The following GALK2 variants were observed in gnomAD, a reference collection of about 807,000 sequenced individuals.
GALK2 encodes galactokinase 2, also known as N-acetylgalactosamine kinase.
GALK2 carries 36 observed loss-of-function variants against 52.4 expected under a neutral mutation model. The ratio of observed to expected loss-of-function variants is 0.69; its 90% CI spans 0.53 to 0.91. The LOEUF (loss-of-function observed/expected upper bound fraction) is 0.91. Among genes scored for constraint, GALK2 ranks in the 40% least tolerant of loss-of-function variants. The probability of loss-of-function intolerance (pLI) is 0.00; values close to 1 mark genes in which losing one functional copy is unlikely to be tolerated. For synonymous variants in GALK2, 176 were observed against 199.1 expected (o/e 0.88, Z 0.98); for missense variants, 579 against 559.1 (o/e 1.04, Z -0.36).
intron 8 of GALK2, among the ~76,000 whole-genome samples, chr15:49,304,639 A>G (rs1047922691): frequency 6.6e-6 from 1 of 152,214 alleles, no homozygotes; most frequent in Admixed American, 6.5e-5. Flanking sequence ...ATGTGTGAGG[A>G]TAGCTGGAAT....
chr15:49,212,848 A>G (rs1012756911), intron 2 of GALK2, among the ~76,000 whole-genome samples: 8 of 152,148 alleles, frequency 5.3e-5, no homozygotes, highest in African/African-American at 1.9e-4. Context: ...TTATTTCATT[A>G]TGATCAGAGA....
chr15:49,162,876 A>G (rs1453312238), intron 1 of GALK2, among the ~76,000 whole-genome samples: 1 of 152,240 alleles, frequency 6.6e-6, no homozygotes, highest in Non-Finnish European at 1.5e-5. Context: ...TTGAGCCTCA[A>G]ATAAGCCTTT....
At chr15:49,246,982 A>G (rs140877564) in intron 5 of GALK2, among the ~76,000 whole-genome samples, 1 of 152,342 alleles carries the variant, frequency 6.6e-6, no homozygotes, top group Non-Finnish European at 1.5e-5. Context: ...TGAGAAAGAT[A>G]ATGAAGAGCT....
chr15:49,188,715 C>G (rs2086528621), intron 1 of GALK2, among the ~76,000 whole-genome samples: 1 of 152,280 alleles, frequency 6.6e-6, no homozygotes, highest in Non-Finnish European at 1.5e-5. Flanking sequence ...TATCTTGCTC[C>G]TATCCCCTTA....
rs1555427387 is a variant in GALK2 at position 49,295,344 on chromosome 15, T to TAG, written c.967+2808_967+2809insGA. 1.2e-4 allele frequency among the ~76,000 whole-genome samples: 18 copies of TAG among 151,650 alleles called. No individual in the cohort carries two copies. In the Middle Eastern group the frequency reaches 0.01, roughly 86 times the overall value. On this transcript the variant is annotated intron_variant, in intron 8 of 9. Coordinates refer to ENST00000560031, the MANE Select transcript of GALK2 (RefSeq NM_002044.4). ...CTCTCTCTCTCTATCTATATATATA[T>TAG]ATAGATAGATAGATAGATTCATCTA... is the stretch of plus-strand genomic sequence containing the variant.
chr15:49,193,739 T>G (rs1026093418), intron 1 of GALK2, among the ~76,000 whole-genome samples: 1 of 151,802 alleles, frequency 6.6e-6, no homozygotes, highest in African/African-American at 2.4e-5. Context: ...TTTTTATTTT[T>G]TTTTTTGAGA....
chr15:49,289,843 C>T (rs2033758140), intron 7 of GALK2, among the ~76,000 whole-genome samples: 1 of 152,132 alleles, frequency 6.6e-6, no homozygotes, highest in Non-Finnish European at 1.5e-5. Flanking sequence ...CAACCTAAAA[C>T]AGAGTTTTAG....
chr15:49,246,432 T>G (rs1278244563), intron 5 of GALK2, among the ~76,000 whole-genome samples: 1 of 152,112 alleles, frequency 6.6e-6, no homozygotes, highest in Non-Finnish European at 1.5e-5. Context: ...CAGGTGATAT[T>G]CAGAAAACCC....
In GALK2 at chr15:49,258,777, CATAT is replaced by C. The variant is rs144138275; in HGVS notation, c.504+19425_504+19428del. The stretch of plus-strand genomic sequence containing the variant: ...CCCCAGAAGCACATTTATTTGGAAG[CATAT>C]ATATATATATATATGTGTGTGTGTG... On this transcript the variant is annotated intron_variant, in intron 5 of 9. Coordinates refer to ENST00000560031, the MANE Select transcript of GALK2 (RefSeq NM_002044.4). Among the ~76,000 whole-genome samples the C allele has an allele frequency of 9.6e-3, 1,284 of 134,394 alleles. 14 individuals are homozygous for C. Among genetic ancestry groups the C allele is most frequent in the African/African-American group, 0.031 (1,077 of 34,270 alleles). 88.2% of individuals were successfully genotyped at this position (134,394 alleles called of 152,430 possible).
chr15:49,318,837 C>T (rs923422393), intron 8 of GALK2: 9 of 417,322 alleles, frequency 2.2e-5, no homozygotes, highest in Non-Finnish European at 4.2e-5. Flanking sequence ...GATGTGTGTC[C>T]TTAAGCATGT....
chr15:49,238,231 G>C (rs1783585553), intron 4 of GALK2, among the ~76,000 whole-genome samples: 1 of 152,144 alleles, frequency 6.6e-6, no homozygotes, highest in South Asian at 2.1e-4. Context: ...TCTTGAGAAG[G>C]AGGTAGACTT....
At chr15:49,259,822 A>G (rs1165807232) in intron 5 of GALK2, among the ~76,000 whole-genome samples, 1 of 149,344 alleles carries the variant, frequency 6.7e-6, no homozygotes, top group Non-Finnish European at 1.5e-5. Context: ...GAGTGAGAAT[A>G]TGTGGTGTTT....
rs575905527 is a variant in GALK2, at chr15:49,246,974, A to G, written c.504+7607A>G. Reference sequence around the variant, plus strand: ...CCATATTGGCAGAAGTGATGGTATGAGAAAGATAATGAAGAGCTATACAAA... The same window carrying G: ...CCATATTGGCAGAAGTGATGGTATGGGAAAGATAATGAAGAGCTATACAAA... On this transcript the variant is annotated intron_variant, in intron 5 of 9. Transcript: ENST00000560031. 9.1e-4 allele frequency among the ~76,000 whole-genome samples: 138 copies of G among 152,350 alleles called. 5 individuals carry two copies. The South Asian group carries it at 0.027, about 30-fold the overall frequency.
intron 1 of GALK2, among the ~76,000 whole-genome samples, chr15:49,173,693 C>A (rs781357828): frequency 6.6e-5 from 10 of 151,850 alleles, no homozygotes; most frequent in Non-Finnish European, 1.5e-4. Context: ...TTCACTTAAT[C>A]TTTCTCAGAT....
intron 5 of GALK2, among the ~76,000 whole-genome samples, chr15:49,240,399 A>G (rs1472603245): frequency 6.6e-6 from 1 of 152,198 alleles, no homozygotes; most frequent in African/African-American, 2.4e-5. Context: ...TGTGCCAGAT[A>G]ATGTTCAAGG....
intron 2 of GALK2, among the ~76,000 whole-genome samples, chr15:49,213,224 C>T (rs116105173): frequency 0.012 from 1,794 of 152,302 alleles, 35 homozygotes; most frequent in African/African-American, 0.041. Context: ...GCTGAACTGA[C>T]TCCTTTGACA....
At chr15:49,245,408 C>A (rs1475177927) in intron 5 of GALK2, among the ~76,000 whole-genome samples, 1 of 151,956 alleles carries the variant, frequency 6.6e-6, no homozygotes, top group Non-Finnish European at 1.5e-5. Context: ...GCAAATATCA[C>A]TTTGGCGAAA....
chr15:49,328,935 C>T lies in GALK2; in HGVS notation c.*776C>T. ...AACTTAGATAAAAAACACTTTAAGA[C>T]TCTTCTATTCACATTGAAATAAAGA... is the stretch of plus-strand genomic sequence containing the variant. On this transcript the variant is annotated 3_prime_UTR_variant, in exon 10 of 10. Coordinates refer to ENST00000560031, the MANE Select transcript of GALK2 (RefSeq NM_002044.4). 3 of 1,145,392 alleles carry T rather than the reference C, an allele frequency of 2.6e-6. No homozygotes were observed. Among genetic ancestry groups the T allele is most frequent in the Non-Finnish European group, 3.2e-6 (3 of 926,248 alleles). The allele number at this position is 1,145,392 out of a possible 1,614,324, so 71.0% of individuals were successfully genotyped here.
At position 49,350,865 on chromosome 15, in the gene GALK2, T is replaced by C. The variant is rs114225028; in HGVS notation, c.427-16626T>C. 6.1e-3 allele frequency among the ~76,000 whole-genome samples: 930 copies of C among 152,232 alleles called. 12 individuals are homozygous for C. The highest frequency in any genetic ancestry group is 0.022 in the African/African-American group (901 of 41,534). On this transcript the variant is annotated intron_variant, in intron 3 of 3. Coordinates refer to the GALK2 transcript ENST00000558399. ...GTAGGGATAAATGGGAGTGAATAAG[T>C]ACAAAGGAGAGACTGCTGATAGGCT...
Sources: allele counts gnomAD v4.1 joint callset (sites outside exome capture counted in the v4.1 genomes callset), GRCh38; gene constraint gnomAD v4.1.1; transcripts MANE v1.5; gene names NCBI Gene and HGNC (gene_info 2026-07-23, HGNC 2026-07-21).